The following GIPC3 variants were observed in gnomAD, a reference collection of about 807,000 sequenced individuals.
GIPC3 encodes GIPC PDZ domain containing family member 3.
A neutral mutation model predicts 27.3 loss-of-function variants in GIPC3; 16 were observed. The observed-to-expected ratio is 0.59, with a 90% CI of 0.40 to 0.89. The LOEUF (loss-of-function observed/expected upper bound fraction) is 0.89. GIPC3 is among the 40% of genes least tolerant of loss of function. The probability of loss-of-function intolerance (pLI) is 0.00; values close to 1 mark genes in which losing one functional copy is unlikely to be tolerated. For missense variants in GIPC3, 440 were observed against 442.1 expected, an observed-to-expected ratio of 1.00 and a Z score of 0.04; for synonymous variants, 194 against 184.6, an observed-to-expected ratio of 1.05 and a Z score of -0.41.
At chr19:3,585,922 A>G in intron 1 of GIPC3, 100 bp downstream of exon 1, 1 of 1,463,324 alleles carries the variant, frequency 6.8e-7, no homozygotes, top group Non-Finnish European at 9.1e-7. Context: ...CCCGGATCCC[A>G]GACGTCGGGG....
chr19:3,591,117 C>A lies in GIPC3; in HGVS notation c.*927C>A, dbSNP rs112049725. Reference sequence around the variant, plus strand: ...GCCCAGCTCTAGAACTCAGGTCAGCCCTGAGACCAAGCCCAGCTCTAGAAC... The same window carrying A: ...GCCCAGCTCTAGAACTCAGGTCAGCACTGAGACCAAGCCCAGCTCTAGAAC... On this transcript the variant is annotated 3_prime_UTR_variant, in exon 6 of 6. Transcript: ENST00000644452. 2.5e-6 allele frequency: 3 copies of A among 1,212,258 alleles called. No homozygotes were observed. The highest frequency in any genetic ancestry group is 3.1e-6 in the Non-Finnish European group (3 of 980,206). 75.1% of individuals were successfully genotyped at this position (1,212,258 alleles called of 1,614,324 possible).
chr19:3,593,141 C>T lies in GIPC3; in HGVS notation c.*2951C>T. On this transcript the variant is annotated 3_prime_UTR_variant, in exon 6 of 6. Coordinates refer to ENST00000644452, the MANE Select transcript of GIPC3 (RefSeq NM_133261.3). The stretch of plus-strand genomic sequence containing the variant: ...AGCCCCGGGTGGGACCCCAGAAGTC[C>T]ACCCCACCCACCATATCTGTCACTC... 2 of 1,232,104 alleles carry T rather than the reference C, an allele frequency of 1.6e-6. No homozygotes were observed. Among genetic ancestry groups the T allele is most frequent in the East Asian group, 6.3e-5 (2 of 31,706 alleles). The allele number at this position is 1,232,104 out of a possible 1,614,324, so 76.3% of individuals were successfully genotyped here. A position where few individuals can be genotyped will look rare whatever the true frequency, so the allele number is the denominator to read the frequency against.
intron 1 of GIPC3, 101 bp downstream of exon 1, chr19:3,585,923 G>A: frequency 2.0e-6 from 3 of 1,463,734 alleles, no homozygotes; most frequent in Non-Finnish European, 9.1e-7. Context: ...CCGGATCCCA[G>A]ACGTCGGGGT....
chr19:3,585,877 A>AG (rs1034043210), intron 1 of GIPC3, 55 bp downstream of exon 1: 4 of 1,516,584 alleles, frequency 2.6e-6, no homozygotes, highest in Non-Finnish European at 3.5e-6. Flanking sequence ...GGTGAGGGGT[A>AG]GGGAGCTTGG....
In GIPC3 at chr19:3,591,885, C is replaced by T. The variant is rs1484025069; in HGVS notation, c.*1695C>T. On this transcript the variant is annotated 3_prime_UTR_variant, in exon 6 of 6. Coordinates refer to ENST00000644452, the MANE Select transcript of GIPC3 (RefSeq NM_133261.3). ...GCCCCACTCTCCTTGCACAATGCAGCTCAGCTCTAGAATGCAGTTTACTTC... is the reference window on the plus strand; with the variant it reads ...GCCCCACTCTCCTTGCACAATGCAGTTCAGCTCTAGAATGCAGTTTACTTC... 4 of 1,232,438 alleles carry T rather than the reference C, an allele frequency of 3.2e-6. No homozygotes were observed. The highest frequency in any genetic ancestry group is 2.0e-6 in the Non-Finnish European group (2 of 988,400). 76.3% of individuals were successfully genotyped at this position (1,232,438 alleles called of 1,614,324 possible).
In GIPC3 at chr19:3,593,500, C is replaced by A; in HGVS notation, c.*3310C>A. 1 of 408,118 alleles carries A rather than the reference C, an allele frequency of 2.5e-6. No homozygotes were observed. The highest frequency in any genetic ancestry group is 4.2e-6 in the Non-Finnish European group (1 of 236,216). 25.3% of individuals were successfully genotyped at this position (408,118 alleles called of 1,614,324 possible). On this transcript the variant is annotated 3_prime_UTR_variant, in exon 6 of 6. Transcript: ENST00000644452. ...AGGAGACGGGTTGCACCGCATGTAC[C>A]CTGAGGGCTCATGGTGAATAAAGGC... is the stretch of plus-strand genomic sequence containing the variant.
In GIPC3 at chr19:3,592,909, C is replaced by A; in HGVS notation, c.*2719C>A. Reference sequence around the variant, plus strand: ...CCTAGAATCCAGCTTGAGGCCCCTGCCCCAGCCCAACCTCAGCCCCCAGGC... The same window carrying A: ...CCTAGAATCCAGCTTGAGGCCCCTGACCCAGCCCAACCTCAGCCCCCAGGC... On this transcript the variant is annotated 3_prime_UTR_variant, in exon 6 of 6. Coordinates refer to ENST00000644452, the MANE Select transcript of GIPC3 (RefSeq NM_133261.3). The A allele has an allele frequency of 8.1e-7, 1 of 1,231,534 alleles. No homozygotes were observed. The highest frequency in any genetic ancestry group is 1.0e-6 in the Non-Finnish European group (1 of 987,692). The allele number at this position is 1,231,534 out of a possible 1,614,324, so 76.3% of individuals were successfully genotyped here.
chr19:3,591,406 C>T lies in GIPC3; in HGVS notation c.*1216C>T, dbSNP rs1029970544. On this transcript the variant is annotated 3_prime_UTR_variant, in exon 6 of 6. Transcript: ENST00000644452. ...CCCAGTTCCAGAATCCAGGCTAGCTCGGAGACCAAGCCCTGCTGGAAAACT... is the reference window on the plus strand; with the variant it reads ...CCCAGTTCCAGAATCCAGGCTAGCTTGGAGACCAAGCCCTGCTGGAAAACT... 91 of 1,232,296 alleles carry T rather than the reference C, an allele frequency of 7.4e-5. No individual in the cohort carries two copies. The highest frequency in any genetic ancestry group is 3.1e-4 in the Middle Eastern group (1 of 3,208). The allele number at this position is 1,232,296 out of a possible 1,614,324, so 76.3% of individuals were successfully genotyped here.
Position 3,589,546 on chromosome 19 carries a change from G to A in GIPC3, c.696G>A (p.Val232=). The change falls in exon 4 of 6, where the codon GTG becomes GTA. Residue 232 remains valine (V), a synonymous_variant. Coordinates refer to ENST00000644452, the MANE Select transcript of GIPC3 (RefSeq NM_133261.3). ...LRLRSGGAAT[V]EEAPSEFEEE... is the part of the protein sequence containing the mutation. ...TTCGTTCTGGGGGGGCTGCCACAGT[G>A]GAGGAAGCGGTGAGTGAAGGGGAGG... 3.1e-6 allele frequency: 5 copies of A among 1,613,084 alleles called. No individual in the cohort carries two copies. Among genetic ancestry groups the A allele is most frequent in the Non-Finnish European group, 4.2e-6 (5 of 1,179,248 alleles).
Position 3,590,289 on chromosome 19 carries a change from T to C in GIPC3, c.*99T>C. ...GCCCAGATCGGAGGACAAGTTCCTC[T>C]CTAGAACCCAATCCAATTTGGAGCC... On this transcript the variant is annotated 3_prime_UTR_variant, in exon 6 of 6. Transcript: ENST00000644452. 1 of 1,486,406 alleles carries C rather than the reference T, an allele frequency of 6.7e-7. No individual in the cohort carries two copies. Among genetic ancestry groups the C allele is most frequent in the Non-Finnish European group, 8.9e-7 (1 of 1,118,100 alleles). The allele number at this position is 1,486,406 out of a possible 1,614,324, so 92.1% of individuals were successfully genotyped here.
rs1278919901 is a variant in GIPC3 at position 3,591,103 on chromosome 19, G to A, written c.*913G>A. 8.1e-7 allele frequency: 1 copy of A among 1,233,148 alleles called. No individual in the cohort carries two copies. Among genetic ancestry groups the A allele is most frequent in the African/African-American group, 1.6e-5 (1 of 64,362 alleles). 76.4% of individuals were successfully genotyped at this position (1,233,148 alleles called of 1,614,324 possible). A position where few individuals can be genotyped will look rare whatever the true frequency, so the allele number is the denominator to read the frequency against. ...ACATCTGAAGCCAAGCCCAGCTCTAGAACTCAGGTCAGCCCTGAGACCAAG... is the reference window on the plus strand; with the variant it reads ...ACATCTGAAGCCAAGCCCAGCTCTAAAACTCAGGTCAGCCCTGAGACCAAG... On this transcript the variant is annotated 3_prime_UTR_variant, in exon 6 of 6. Coordinates refer to ENST00000644452, the MANE Select transcript of GIPC3 (RefSeq NM_133261.3).
chr19:3,587,040 C>T (rs747494110), intron 3 of GIPC3, 46 bp downstream of exon 3: 10 of 1,564,408 alleles, frequency 6.4e-6, no homozygotes, highest in East Asian at 2.3e-5. Context: ...GTGCGTTCTA[C>T]GGATGCCTGG....
chr19:3,590,131 G>A lies in GIPC3; in HGVS notation c.880G>A (p.Asp294Asn), dbSNP rs779309926. 49 of 1,611,094 alleles carry A rather than the reference G, an allele frequency of 3.0e-5. No individual in the cohort carries two copies. The highest frequency in any genetic ancestry group is 4.5e-5 in the East Asian group (2 of 44,796). Residue 294 changes from aspartate (D) to asparagine (N), a missense_variant, in exon 6 of 6, where the codon GAC becomes AAC. Asp to Asn is a conservative substitution (Grantham distance 23). Transcript: ENST00000644452. ...DSVLGEFAFP[D>N]EFVVEVWAAI... ...CGTCTTGGGCGAGTTCGCCTTCCCC[G>A]ACGAGTTTGTGGTGGAAGTGTGGGC...
In GIPC3 at chr19:3,586,892, T is replaced by G; in HGVS notation, c.490T>G (p.Ser164Ala). 6.2e-7 allele frequency: 1 copy of G among 1,613,188 alleles called. No individual in the cohort carries two copies. Among genetic ancestry groups the G allele is most frequent in the Non-Finnish European group, 8.5e-7 (1 of 1,179,940 alleles). Residue 164 changes from serine (S) to alanine (A), a missense_variant, in exon 3 of 6, where the codon TCC (serine) becomes GCC (alanine). Coordinates refer to ENST00000644452, the MANE Select transcript of GIPC3 (RefSeq NM_133261.3). Reference sequence around the variant, plus strand: ...CAGCATCGAAGCCATCAACGACCACTCCATTGTGGGCTGCCGCCACTACGA... The same window carrying G: ...CAGCATCGAAGCCATCAACGACCACGCCATTGTGGGCTGCCGCCACTACGA... ...GDSIEAINDH[S>A]IVGCRHYEVA...
rs1406888612 is a variant in GIPC3, at chr19:3,586,602, G to T, written c.333G>T (p.Lys111Asn). 1.9e-6 allele frequency: 3 copies of T among 1,613,744 alleles called. No individual in the cohort carries two copies. The highest frequency in any genetic ancestry group is 3.3e-5 in the Admixed American group (2 of 59,984). ...TTGCCCACGTGCGAGGCGAGACCAAGGAGGTGGAGGTCACTAAGACAGAGG... is the reference window on the plus strand; with the variant it reads ...TTGCCCACGTGCGAGGCGAGACCAATGAGGTGGAGGTCACTAAGACAGAGG... The part of the protein sequence containing the change: ...FIFAHVRGET[K>N]EVEVTKTEDA... Residue 111 changes from lysine to asparagine, a missense_variant, in exon 2 of 6, where the codon AAG becomes AAT. Lys to Asn is a moderately conservative substitution (Grantham distance 94). Transcript: ENST00000644452.
chr19:3,586,593 C>T lies in GIPC3; in HGVS notation c.324C>T (p.Gly108=). 1.2e-6 allele frequency: 2 copies of T among 1,613,410 alleles called. No homozygotes were observed. The highest frequency in any genetic ancestry group is 1.7e-6 in the Non-Finnish European group (2 of 1,179,852). ...LEDFIFAHVR[G]ETKEVEVTKT... Reference sequence around the variant, plus strand: ...ACTTCATCTTTGCCCACGTGCGAGGCGAGACCAAGGAGGTGGAGGTCACTA... The same window carrying T: ...ACTTCATCTTTGCCCACGTGCGAGGTGAGACCAAGGAGGTGGAGGTCACTA... Residue 108 remains glycine, a synonymous_variant, in exon 2 of 6, where the codon GGC becomes GGT. Transcript: ENST00000644452.
intron 3 of GIPC3, among the ~76,000 whole-genome samples, chr19:3,587,445 C>A (rs1022878561): frequency 2.0e-5 from 3 of 151,804 alleles, no homozygotes; most frequent in Non-Finnish European, 4.4e-5. Context: ...TTGCGCCTGG[C>A]TAATTTTTGT....
rs727504632 is a variant in GIPC3 at position 3,586,978 on chromosome 19, G to A, written c.576G>A (p.Gln192=). 19 of 1,612,562 alleles carry A rather than the reference G, an allele frequency of 1.2e-5. 1 individual carries two copies. The South Asian group carries it at 1.9e-4, about 16-fold the overall frequency. The change falls in exon 3 of 6, where the codon CAG becomes CAA. Residue 192 remains glutamine (Q), a synonymous_variant. Transcript: ENST00000644452. Reference sequence around the variant, plus strand: ...AGCCCTTCACCCTGCGCCTGGTGCAGCCCAAGAGGGCCTTCGGTGAGGCGG... The same window carrying A: ...AGCCCTTCACCCTGCGCCTGGTGCAACCCAAGAGGGCCTTCGGTGAGGCGG... ...KSQPFTLRLV[Q]PKRAFDMIGQ...
chr19:3,589,193 G>A (rs1286239649), intron 3 of GIPC3, among the ~76,000 whole-genome samples: 1 of 152,184 alleles, frequency 6.6e-6, no homozygotes, highest in Non-Finnish European at 1.5e-5. Context: ...GGGAGAGTGA[G>A]GGCATGGAAC....
Sources: gnomAD v4.1 joint callset for allele counts (sites outside exome capture counted in the v4.1 genomes callset) on GRCh38, gnomAD v4.1.1 for gene constraint, MANE v1.5 for transcripts, NCBI Gene and HGNC (gene_info 2026-07-23, HGNC 2026-07-21) for gene names.